The following KIFC3 variants were observed in gnomAD, a reference collection of about 807,000 sequenced individuals.
KIFC3 encodes kinesin-like protein KIFC3.
Under a neutral mutation model 101.8 loss-of-function variants are expected in KIFC3, and 60 were observed. The observed-to-expected ratio is 0.59, with a 90% CI of 0.48 to 0.73. The LOEUF (loss-of-function observed/expected upper bound fraction) is 0.73. KIFC3 is among the 30% of genes least tolerant of loss of function. The probability of loss-of-function intolerance (pLI) is 0.00; values close to 1 mark genes in which losing one functional copy is unlikely to be tolerated. For synonymous variants in KIFC3, 476 were observed against 482.7 expected (o/e 0.99, Z 0.18); for missense variants, 966 against 1,137.1 (o/e 0.85, Z 2.16).
chr16:57,860,025 AAT>A lies in KIFC3; in HGVS notation c.108+2702_108+2703del, dbSNP rs1491063982. On this transcript the variant is annotated intron_variant, in intron 1 of 2. Coordinates refer to the KIFC3 transcript ENST00000563028. Reference sequence around the variant, plus strand: ...CAACAGAGTGAGACTCTGTCTCAAAAATAAAATAAAATAAAATAAAATAAAAT... The same window carrying A: ...CAACAGAGTGAGACTCTGTCTCAAAAAAAATAAAATAAAATAAAATAAAAT... Among the ~76,000 whole-genome samples the A allele has an allele frequency of 7.5e-5, 4 of 53,210 alleles. No homozygotes were observed. The East Asian group carries it at 3.1e-3, about 41-fold the overall frequency. 34.9% of individuals were successfully genotyped at this position (53,210 alleles called of 152,430 possible).
chr16:57,844,436 A>G (rs1481959387), intron 1 of KIFC3, among the ~76,000 whole-genome samples: 10 of 106,006 alleles, frequency 9.4e-5, no homozygotes, highest in East Asian at 3.1e-4. Context: ...GTCTCAGGGA[A>G]AAAAAAAAAA....
intron 3 of KIFC3, among the ~76,000 whole-genome samples, chr16:57,783,710 C>T (rs756326382): frequency 4.6e-5 from 7 of 152,028 alleles, no homozygotes; most frequent in Non-Finnish European, 1.0e-4. Context: ...TGACCTCAGG[C>T]GATCCACTCA....
At chr16:57,781,947 C>T (rs1387265563) in intron 3 of KIFC3, 15 of 985,452 alleles carry the variant, frequency 1.5e-5, no homozygotes, top group Non-Finnish European at 1.8e-5. Flanking sequence ...CTTGCAGGAA[C>T]AGCAGTGTGA....
intron 3 of KIFC3, among the ~76,000 whole-genome samples, chr16:57,786,607 G>T (rs2053352166): frequency 6.6e-6 from 1 of 152,144 alleles, no homozygotes; most frequent in Non-Finnish European, 1.5e-5. Context: ...GCAGAGTGAA[G>T]GGTGAAGAGG....
chr16:57,844,431 A>AG (rs1318577867), intron 1 of KIFC3, among the ~76,000 whole-genome samples: 25 of 65,032 alleles, frequency 3.8e-4, no homozygotes, highest in Admixed American at 7.5e-4. Flanking sequence ...ACTCAGTCTC[A>AG]GGGAAAAAAA....
Position 57,798,137 on chromosome 16 carries a change from G to A in KIFC3, c.107C>T (p.Ala36Val), listed in dbSNP as rs1221023864. Reference protein sequence around the residue: ...PEPEPGMARPAPAPASPAARP... With the variant: ...PEPEPGMARPVPAPASPAARP... The stretch of plus-strand genomic sequence containing the variant: ...GGCGGCCGGGCTGGCTGGGGCTGGG[G>A]CGGGGCGAGCCATCCCCGGCTCGGG... Residue 36 changes from alanine (A) to valine (V), a missense_variant, in exon 2 of 20, where the codon GCC becomes GTC. Physicochemically the swap from Ala to Val is moderately conservative, Grantham distance 64. Transcript: ENST00000445690. 6.4e-6 allele frequency: 10 copies of A among 1,556,498 alleles called. No homozygotes were observed. The African/African-American group carries it at 9.5e-5, about 15-fold the overall frequency.
chr16:57,822,708 A>G (rs1374420208), intron 1 of KIFC3, among the ~76,000 whole-genome samples: 1 of 152,052 alleles, frequency 6.6e-6, no homozygotes, highest in Non-Finnish European at 1.5e-5. Context: ...AAAAATAAAT[A>G]AAATAAAATA....
At chr16:57,804,064 TACATTG>T (rs2054874147), upstream of KIFC3, among the ~76,000 whole-genome samples, 1 of 152,188 alleles carries the variant, frequency 6.6e-6, no homozygotes, top group African/African-American at 2.4e-5. Context: ...AGGGATTGAG[TACATTG>T]ACATTAACTG....
rs966759544 is a variant in KIFC3, at chr16:57,771,326, C to A, written c.637G>T (p.Ala213Ser). ...TCCTTGAGTCGCAGCTCCACCTCAG[C>A]CAGCCGGTCGGTCTTCTGCTGCACC... Reference protein sequence around the residue: ...LEVQQKTDRLAEVELRLKDCL... With the variant: ...LEVQQKTDRLSEVELRLKDCL... The change falls in exon 6 of 20, where the codon GCT (alanine) becomes TCT (serine). Residue 213 changes from alanine to serine, a missense_variant. Coordinates refer to ENST00000445690, the MANE Select transcript of KIFC3 (RefSeq NM_001130100.2). The A allele has an allele frequency of 6.2e-7, 1 of 1,613,744 alleles. No homozygotes were observed. The highest frequency in any genetic ancestry group is 8.5e-7 in the Non-Finnish European group (1 of 1,180,044).
intron 1 of KIFC3, chr16:57,813,983 A>G: frequency 1.9e-6 from 1 of 523,074 alleles, no homozygotes; most frequent in Non-Finnish European, 2.5e-6. Flanking sequence ...CATGCTATAG[A>G]TTTGACTGGG....
rs142109593 is a variant in KIFC3, at chr16:57,855,616, T to C, written c.108+7113A>G. Among the ~76,000 whole-genome samples the C allele has an allele frequency of 4.7e-3, 708 of 151,380 alleles. 20 individuals are homozygous for C. The highest frequency in any genetic ancestry group is 0.036 in the South Asian group (172 of 4,778). On this transcript the variant is annotated intron_variant, in intron 1 of 2. Coordinates refer to the KIFC3 transcript ENST00000563028. ...GAAACTATCATAAGAACAAAATAAA[T>C]TCAAAGCAAGCAGAAGCAAAGAAAT...
intron 1 of KIFC3, among the ~76,000 whole-genome samples, chr16:57,812,873 T>C (rs4255774): frequency 0.9 from 137,138 of 152,230 alleles, 62,479 homozygotes; most frequent in Non-Finnish European, 0.98. Context: ...GCTTGGCAGT[T>C]GTGGGGCACA....
intron 3 of KIFC3, chr16:57,775,602 G>C (rs1220550826): frequency 4.1e-6 from 4 of 985,592 alleles, no homozygotes; most frequent in Non-Finnish European, 4.8e-6. Flanking sequence ...CTTCCTCAGG[G>C]AAGACTGAGG....
intron 1 of KIFC3, among the ~76,000 whole-genome samples, chr16:57,846,908 G>A (rs1377817419): frequency 2.0e-5 from 3 of 152,122 alleles, no homozygotes; most frequent in Admixed American, 2.0e-4. Flanking sequence ...ATTTAGGCCT[G>A]GTGCAGTGGC....
intron 3 of KIFC3, among the ~76,000 whole-genome samples, chr16:57,790,052 CT>C (rs1294594357): frequency 2.5e-5 from 2 of 78,856 alleles, no homozygotes; most frequent in Non-Finnish European, 5.9e-5. Context: ...TTTTTGCTTT[CT>C]TTTTCTTTCT....
At chr16:57,762,305 CCTGTCCCCAAAGACGCTCGTGTGGTGT>C (rs1428371221) in intron 12 of KIFC3, 35 bp from the exon 13 acceptor site, 14 of 1,495,346 alleles carry the variant, frequency 9.4e-6, no homozygotes, top group East Asian at 7.5e-5. Context: ...GTAAGCCAGG[CCTGTCCCCAAAGACGCTCGTGTGGTGT>C]CTGTCCCCAA....
At chr16:57,782,744 G>A (rs1477294223) in intron 3 of KIFC3, among the ~76,000 whole-genome samples, 1 of 152,228 alleles carries the variant, frequency 6.6e-6, no homozygotes, top group African/African-American at 2.4e-5. Context: ...AGGAGGTCGA[G>A]ACCAGCCTGA....
intron 1 of KIFC3, among the ~76,000 whole-genome samples, chr16:57,857,617 A>G (rs1427029172): frequency 6.7e-6 from 1 of 148,682 alleles, no homozygotes; most frequent in Non-Finnish European, 1.5e-5. Flanking sequence ...TCATTGTTCA[A>G]CTCCCACTTA....
chr16:57,766,510 T>C (rs2050504420), intron 10 of KIFC3, among the ~76,000 whole-genome samples: 1 of 152,180 alleles, frequency 6.6e-6, no homozygotes, highest in South Asian at 2.1e-4. Context: ...TAGAGCTCCA[T>C]GCAGTGAATG....
Sources: gnomAD v4.1 joint callset for allele counts (sites outside exome capture counted in the v4.1 genomes callset) on GRCh38, gnomAD v4.1.1 for gene constraint, MANE v1.5 for transcripts, NCBI Gene and HGNC (gene_info 2026-07-23, HGNC 2026-07-21) for gene names.